CASK: variants seen among roughly 807,000 people sequenced by gnomAD.
CASK encodes peripheral plasma membrane protein CASK.
In CASK, 4 loss-of-function variants were observed where a neutral mutation model predicts 82.9. The observed-to-expected ratio is 0.05, with a 90% confidence interval of 0.02 to 0.11. The LOEUF (loss-of-function observed/expected upper bound fraction) is 0.11, where lower values mean the gene tolerates loss of function less well. Ranked by LOEUF, CASK falls within the 10% of genes least tolerant of loss-of-function variation. CASK has a pLI of 1.00. For synonymous variants in CASK, 259 were observed against 253.5 expected (o/e 1.02, Z -0.20); for missense variants, 358 against 720.9 (o/e 0.50, Z 5.76).
At chrX:41,903,483 C>A (rs1453053704) in intron 1 of CASK, among the ~76,000 whole-genome samples, 1 of 111,880 alleles carries the variant, frequency 8.9e-6, no homozygotes, top group Non-Finnish European at 1.9e-5. Context: ...CCTTACTACA[C>A]AAATATCTTA....
chrX:41,648,986 G>A (rs964834307), intron 8 of CASK, among the ~76,000 whole-genome samples: 2 of 110,938 alleles, frequency 1.8e-5, no homozygotes, highest in Non-Finnish European at 3.8e-5. Context: ...GTCTTGGGAG[G>A]GTGTATGTGT....
In CASK at chrX:41,609,781, T is replaced by C. The variant is rs766154509; in HGVS notation, c.1155+123A>G. ...ACCATGTTGGCCAGGATGGTCTCAG[T>C]CTCCTGACCTCCTGATACGCCCGCC... is the stretch of plus-strand genomic sequence containing the variant. On this transcript the variant is annotated intron_variant, in intron 12 of 26. Coordinates refer to ENST00000378163, the MANE Select transcript of CASK (RefSeq NM_001367721.1). The C allele has an allele frequency of 2.6e-5, 18 of 685,885 alleles. No homozygotes were observed. The South Asian group carries it at 3.5e-4, about 13-fold the overall frequency. 56.5% of individuals were successfully genotyped at this position (685,885 alleles called of 1,213,427 possible).
intron 12 of CASK, chrX:41,589,952 C>T (rs2065718492): frequency 5.0e-6 from 1 of 198,346 alleles, no homozygotes; most frequent in African/African-American, 3.0e-5. Flanking sequence ...GCTTTCTGGC[C>T]AAGGCACGTC....
In CASK at chrX:41,840,911, G is replaced by T. The variant is rs183520232; in HGVS notation, c.172+12204C>A. Among the ~76,000 whole-genome samples, 642 of 111,949 alleles carry T rather than the reference G, an allele frequency of 5.7e-3. 6 individuals carry two copies. Among genetic ancestry groups the T allele is most frequent in the Non-Finnish European group, 5.2e-3 (275 of 53,123 alleles). ...AAGGTTGAACAATAAATCTTCTATT[G>T]TATGTAATATTCGTTTTGTTTACCC... is the stretch of plus-strand genomic sequence containing the variant. On this transcript the variant is annotated intron_variant, in intron 2 of 26. Transcript: ENST00000378163.
At chrX:41,782,716 T>C (rs781322760) in intron 3 of CASK, among the ~76,000 whole-genome samples, 3 of 112,170 alleles carry the variant, frequency 2.7e-5, no homozygotes, top group South Asian at 7.4e-4. Flanking sequence ...CCAGGTTTTA[T>C]GAAACCAAAG....
intron 11 of CASK, among the ~76,000 whole-genome samples, chrX:41,612,388 C>T (rs1256695878): frequency 3.7e-5 from 4 of 106,723 alleles, no homozygotes; most frequent in Non-Finnish European, 7.8e-5. Context: ...GCCCGGCAAC[C>T]GCCCCGTCTG....
intron 1 of CASK, among the ~76,000 whole-genome samples, chrX:41,855,387 A>G (rs1484507708): frequency 8.9e-6 from 1 of 111,777 alleles, no homozygotes; most frequent in East Asian, 2.8e-4. Flanking sequence ...CCAGGGGGTT[A>G]ACAATGGTAA....
At chrX:41,755,304 C>A (rs2147761257) in intron 3 of CASK, among the ~76,000 whole-genome samples, 1 of 112,044 alleles carries the variant, frequency 8.9e-6, no homozygotes, top group Non-Finnish European at 1.9e-5. Context: ...CAGTATGAGA[C>A]AATTAAAAGA....
rs780361582 is a variant in CASK, at chrX:41,665,319, G to A, written c.666C>T (p.Thr222=). 2 of 1,207,310 alleles carry A rather than the reference G, an allele frequency of 1.7e-6. No individual in the cohort carries two copies. The highest frequency in any genetic ancestry group is 3.5e-5 in the African/African-American group (2 of 57,101). The change falls in exon 7 of 27, where the codon ACC becomes ACT. Residue 222 remains threonine, a synonymous_variant. Transcript: ENST00000378163. The part of the protein sequence containing the change: ...LLSGCLPFYG[T]KERLFEGIIK... ...TAATGCCTTCAAACAATCTTTCCTT[G>A]GTTCCGTAAAAAGGCAAACAACCAC...
intron 3 of CASK, among the ~76,000 whole-genome samples, chrX:41,765,777 G>A (rs1437700075): frequency 9.0e-6 from 1 of 111,359 alleles, no homozygotes; most frequent in African/African-American, 3.3e-5. Flanking sequence ...AAGTGAATGG[G>A]GACAGGGATG....
At chrX:41,695,730 C>G (rs771424808) in intron 5 of CASK, 1 of 1,205,888 alleles carries the variant, frequency 8.3e-7, no homozygotes, top group East Asian at 3.0e-5. Flanking sequence ...TAGCGACCAA[C>G]CGCCACAAAA....
intron 2 of CASK, among the ~76,000 whole-genome samples, chrX:41,793,017 T>A (rs981142247): frequency 2.7e-5 from 3 of 111,967 alleles, no homozygotes; most frequent in Non-Finnish European, 5.6e-5. Context: ...CCAAAAAGAA[T>A]CTAAATTCAA....
intron 3 of CASK, among the ~76,000 whole-genome samples, chrX:41,747,554 C>T (rs1198355864): frequency 1.8e-5 from 2 of 111,481 alleles, no homozygotes; most frequent in Non-Finnish European, 3.8e-5. Context: ...TTCTCCTGCC[C>T]CAGCCTCCCA....
intron 2 of CASK, among the ~76,000 whole-genome samples, chrX:41,811,297 T>C (rs1298135866): frequency 7.1e-5 from 8 of 112,084 alleles, no homozygotes; most frequent in African/African-American, 1.6e-4. Context: ...CAGCACCACA[T>C]TGCATTTATT....
At chrX:41,644,393 G>T (rs1468815930) in intron 8 of CASK, among the ~76,000 whole-genome samples, 1 of 112,010 alleles carries the variant, frequency 8.9e-6, no homozygotes, top group African/African-American at 3.2e-5. Context: ...AGATTTCATA[G>T]ACACTTATCA....
intron 16 of CASK, among the ~76,000 whole-genome samples, chrX:41,563,348 C>A (rs1212775996): frequency 1.0e-4 from 9 of 87,619 alleles, no homozygotes; most frequent in African/African-American, 3.5e-4. Flanking sequence ...TGGAGCAAGA[C>A]CCTGTCTCAA....
chrX:41,599,767 C>T (rs1010373170), intron 12 of CASK, among the ~76,000 whole-genome samples: 10 of 111,482 alleles, frequency 9.0e-5, no homozygotes, highest in African/African-American at 2.6e-4. Flanking sequence ...TTCTCTATGC[C>T]TTTTTCAAGT....
chrX:41,896,223 T>C (rs2072268118), intron 1 of CASK, among the ~76,000 whole-genome samples: 1 of 111,964 alleles, frequency 8.9e-6, no homozygotes, highest in Non-Finnish European at 1.9e-5. Context: ...AAAGAACTGA[T>C]AGGCTCCCCA....
chrX:41,714,415 C>G (rs745368280), intron 5 of CASK, among the ~76,000 whole-genome samples: 11 of 111,968 alleles, frequency 9.8e-5, no homozygotes, highest in Non-Finnish European at 2.1e-4. Context: ...GGTTGTATCT[C>G]TTTCACTTGA....
Sources: gnomAD v4.1 joint callset for allele counts (sites outside exome capture counted in the v4.1 genomes callset) on GRCh38, gnomAD v4.1.1 for gene constraint, MANE v1.5 for transcripts, NCBI Gene and HGNC (gene_info 2026-07-23, HGNC 2026-07-21) for gene names.